The following MAPKAP1 variants were observed in gnomAD, a reference collection of about 807,000 sequenced individuals.
The protein encoded by MAPKAP1 is target of rapamycin complex 2 subunit MAPKAP1.
In MAPKAP1, 20 loss-of-function variants were observed where a neutral mutation model predicts 65.7. The observed-to-expected ratio is 0.30, with a 90% CI of 0.21 to 0.44. The LOEUF (loss-of-function observed/expected upper bound fraction) is 0.44. Among genes scored for constraint, MAPKAP1 ranks in the 20% least tolerant of loss-of-function variants. The pLI, the probability that MAPKAP1 is intolerant of heterozygous loss-of-function variation, is 1.00. For missense variants in MAPKAP1, 423 were observed against 648.0 expected, an observed-to-expected ratio of 0.65 and a Z score of 3.77; for synonymous variants, 222 against 244.3, an observed-to-expected ratio of 0.91 and a Z score of 0.85.
chr9:125,547,884 A>AT (rs1315056929), intron 6 of MAPKAP1, among the ~76,000 whole-genome samples: 4 of 152,228 alleles, frequency 2.6e-5, no homozygotes, highest in Non-Finnish European at 5.9e-5. Flanking sequence ...CCTCAACTTA[A>AT]TTCACTGGCT....
intron 5 of MAPKAP1, among the ~76,000 whole-genome samples, chr9:125,573,528 C>T (rs563454123): frequency 2.0e-5 from 3 of 152,178 alleles, no homozygotes; most frequent in African/African-American, 4.8e-5. Flanking sequence ...GGCTATGGAA[C>T]AGCCATTCTT....
intron 4 of MAPKAP1, among the ~76,000 whole-genome samples, chr9:125,607,963 G>A (rs1170900348): frequency 3.3e-5 from 5 of 152,176 alleles, no homozygotes; most frequent in African/African-American, 1.2e-4. Context: ...GAGCAAACAA[G>A]TTACAAATCA....
chr9:125,493,888 C>A (rs1380133496), intron 8 of MAPKAP1, among the ~76,000 whole-genome samples: 2 of 152,216 alleles, frequency 1.3e-5, no homozygotes, highest in African/African-American at 2.4e-5. Context: ...CAAGCTGGAG[C>A]TAGGAACTGA....
In MAPKAP1 at chr9:125,707,194, C is replaced by G. The variant is rs747800318; in HGVS notation, c.-293G>C. ...CGGCCGAGCAGCAGCCCTATTACCCCGAGCCGCACACGACCCGGAACCACA... is the reference window on the plus strand; with the variant it reads ...CGGCCGAGCAGCAGCCCTATTACCCGGAGCCGCACACGACCCGGAACCACA... On this transcript the variant is annotated 5_prime_UTR_variant, in exon 1 of 12. Coordinates refer to ENST00000265960, the MANE Select transcript of MAPKAP1 (RefSeq NM_001006617.3). The G allele has an allele frequency of 1.0e-5, 4 of 398,188 alleles. No individual in the cohort carries two copies. Among genetic ancestry groups the G allele is most frequent in the Middle Eastern group, 6.3e-4 (1 of 1,588 alleles). The allele number at this position is 398,188 out of a possible 1,614,324, so 24.7% of individuals were successfully genotyped here.
At chr9:125,633,871 T>G (rs150715159) in intron 4 of MAPKAP1, among the ~76,000 whole-genome samples, 13 of 152,346 alleles carry the variant, frequency 8.5e-5, no homozygotes, top group African/African-American at 3.1e-4. Flanking sequence ...ATATGCACTT[T>G]CTATTTAGCA....
intron 7 of MAPKAP1, among the ~76,000 whole-genome samples, chr9:125,514,151 A>ATTCCCTC (rs1248222591): frequency 6.6e-6 from 1 of 152,048 alleles, no homozygotes. Context: ...TGCACGTGCC[A>ATTCCCTC]TTCCCTCTTC....
chr9:125,470,841 T>C (rs1474842088), intron 9 of MAPKAP1, among the ~76,000 whole-genome samples: 3 of 152,144 alleles, frequency 2.0e-5, no homozygotes, highest in African/African-American at 7.2e-5. Context: ...TTTTTCTGAA[T>C]CGAATCACAT....
intron 7 of MAPKAP1, among the ~76,000 whole-genome samples, chr9:125,523,067 TAAC>T (rs1387851690): frequency 6.6e-6 from 1 of 152,172 alleles, no homozygotes; most frequent in Non-Finnish European, 1.5e-5. Context: ...TTGCACCAGT[TAAC>T]GTCTTCAAGG....
chr9:125,640,325 G>C (rs564103152), intron 4 of MAPKAP1, among the ~76,000 whole-genome samples: 1 of 151,648 alleles, frequency 6.6e-6, no homozygotes, highest in Admixed American at 6.6e-5. Context: ...GGATGGTCTC[G>C]ATCTTCTGAC....
intron 1 of MAPKAP1, among the ~76,000 whole-genome samples, chr9:125,682,403 T>C (rs1364069579): frequency 2.0e-5 from 3 of 152,242 alleles, no homozygotes; most frequent in Non-Finnish European, 4.4e-5. Context: ...AAAATACTGT[T>C]ATTCAGCTAT....
chr9:125,623,745 C>A (rs1344847549), intron 4 of MAPKAP1, among the ~76,000 whole-genome samples: 3 of 53,816 alleles, frequency 5.6e-5, no homozygotes, highest in African/African-American at 1.4e-4. Context: ...CCGCCCCATC[C>A]GGGAGGGAGG....
intron 7 of MAPKAP1, among the ~76,000 whole-genome samples, chr9:125,523,690 T>G (rs1829682821): frequency 6.6e-6 from 1 of 152,202 alleles, no homozygotes; most frequent in African/African-American, 2.4e-5. Context: ...TTAAAGAGAT[T>G]TTTCTTTCCC....
chr9:125,547,425 C>G (rs1830459536), intron 6 of MAPKAP1, among the ~76,000 whole-genome samples: 1 of 152,178 alleles, frequency 6.6e-6, no homozygotes, highest in African/African-American at 2.4e-5. Context: ...GTTGCTGTAA[C>G]ATGTGGGAAC....
intron 4 of MAPKAP1, among the ~76,000 whole-genome samples, chr9:125,623,481 G>A (rs1226085972): frequency 5.1e-5 from 1 of 19,742 alleles, no homozygotes; most frequent in Non-Finnish European, 1.6e-4. Flanking sequence ...GCCTCTGCCC[G>A]GCCGAGACCC....
At chr9:125,626,341 C>G (rs780276244) in intron 4 of MAPKAP1, among the ~76,000 whole-genome samples, 28 of 152,352 alleles carry the variant, frequency 1.8e-4, no homozygotes, top group Middle Eastern at 3.4e-3. Context: ...CTTCTGGAAA[C>G]AGGTCTGGGG....
intron 9 of MAPKAP1, among the ~76,000 whole-genome samples, chr9:125,481,198 T>C (rs946896029): frequency 3.9e-5 from 6 of 152,154 alleles, no homozygotes; most frequent in African/African-American, 1.4e-4. Context: ...ACAAAGCCTT[T>C]TGTGGACTTT....
At chr9:125,499,890 G>A (rs1828919325) in intron 8 of MAPKAP1, among the ~76,000 whole-genome samples, 1 of 152,116 alleles carries the variant, frequency 6.6e-6, no homozygotes, top group Admixed American at 6.5e-5. Flanking sequence ...GGGAGGCTTA[G>A]GTGGGAGAAC....
chr9:125,685,467 C>T (rs1293140577), intron 1 of MAPKAP1, among the ~76,000 whole-genome samples: 1 of 152,206 alleles, frequency 6.6e-6, no homozygotes, highest in African/African-American at 2.4e-5. Flanking sequence ...ATCTGAAAGA[C>T]TGGGGTGAGT....
At chr9:125,520,167 T>C (rs1564540164) in intron 7 of MAPKAP1, among the ~76,000 whole-genome samples, 1 of 152,204 alleles carries the variant, frequency 6.6e-6, no homozygotes, top group Non-Finnish European at 1.5e-5. Context: ...TCTGTAAAAA[T>C]GGGCATCTAT....
Sources: gnomAD v4.1 joint callset for allele counts (sites outside exome capture counted in the v4.1 genomes callset) on GRCh38, gnomAD v4.1.1 for gene constraint, MANE v1.5 for transcripts, NCBI Gene and HGNC (gene_info 2026-07-23, HGNC 2026-07-21) for gene names.